The following KCNIP4 variants were observed in gnomAD, a reference collection of about 807,000 sequenced individuals.
KCNIP4 encodes the protein potassium voltage-gated channel interacting protein 4, also known as Kv channel-interacting protein 4.
KCNIP4 carries 12 observed loss-of-function variants against 34.0 expected under a neutral mutation model. The observed-to-expected ratio is 0.35, with a 90% confidence interval of 0.23 to 0.57. The LOEUF (loss-of-function observed/expected upper bound fraction) is 0.57, where lower values mean the gene tolerates loss of function less well. Ranked by LOEUF, KCNIP4 falls within the 20% of genes least tolerant of loss-of-function variation. The pLI is 0.83. For missense variants in KCNIP4, 238 were observed against 311.7 expected (o/e 0.76, Z 1.78); for synonymous variants, 124 against 102.2 (o/e 1.21, Z -1.29).
At chr4:21,224,051 T>C (rs1411682542) in intron 1 of KCNIP4, among the ~76,000 whole-genome samples, 1 of 152,124 alleles carries the variant, frequency 6.6e-6, no homozygotes, top group African/African-American at 2.4e-5. Flanking sequence ...TTGGCCTACA[T>C]CTGGATTCCC....
chr4:20,839,140 A>G (rs1447737585), intron 3 of KCNIP4, among the ~76,000 whole-genome samples: 1 of 152,078 alleles, frequency 6.6e-6, no homozygotes. Context: ...GTGTTTTCTA[A>G]CTTTTTTTAG....
At chr4:20,790,255 A>G (rs1357597695) in intron 3 of KCNIP4, among the ~76,000 whole-genome samples, 1 of 152,204 alleles carries the variant, frequency 6.6e-6, no homozygotes, top group Non-Finnish European at 1.5e-5. Flanking sequence ...GTATCCTTGC[A>G]CTTACCATGA....
intron 1 of KCNIP4, among the ~76,000 whole-genome samples, chr4:21,823,880 T>C (rs184860952): frequency 9.8e-5 from 15 of 152,306 alleles, no homozygotes; most frequent in Middle Eastern, 3.4e-3. Flanking sequence ...CCCTCTACAA[T>C]GCAGCTTTGC....
chr4:21,706,592 C>A (rs1156668778), intron 1 of KCNIP4, among the ~76,000 whole-genome samples: 2 of 152,142 alleles, frequency 1.3e-5, no homozygotes, highest in Non-Finnish European at 1.5e-5. Context: ...AGATGATCCT[C>A]ATTGCTTCTT....
intron 1 of KCNIP4, among the ~76,000 whole-genome samples, chr4:21,254,416 T>A (rs1392619221): frequency 6.6e-6 from 1 of 152,214 alleles, no homozygotes; most frequent in Non-Finnish European, 1.5e-5. Flanking sequence ...TTGTGATGAA[T>A]GCATATTCCC....
At chr4:21,625,207 T>A (rs1394341041) in intron 1 of KCNIP4, among the ~76,000 whole-genome samples, 1 of 152,086 alleles carries the variant, frequency 6.6e-6, no homozygotes, top group East Asian at 1.9e-4. Context: ...GCAGTACTAC[T>A]TAACTATTTT....
chr4:21,158,930 AC>A (rs1220768072), intron 1 of KCNIP4, among the ~76,000 whole-genome samples: 1 of 152,214 alleles, frequency 6.6e-6, no homozygotes, highest in Non-Finnish European at 1.5e-5. Context: ...ACTGCAGCAT[AC>A]AATATCAATA....
chr4:21,827,481 A>C (rs2109300508), intron 1 of KCNIP4, among the ~76,000 whole-genome samples: 1 of 152,170 alleles, frequency 6.6e-6, no homozygotes, highest in South Asian at 2.1e-4. Context: ...TTGAAACAAA[A>C]AGGAAGAATT....
At chr4:20,914,879 T>G (rs779704716) in intron 1 of KCNIP4, among the ~76,000 whole-genome samples, 1 of 152,194 alleles carries the variant, frequency 6.6e-6, no homozygotes, top group African/African-American at 2.4e-5. Flanking sequence ...TTTGCTCCAA[T>G]GACCACAGAA....
intron 1 of KCNIP4, among the ~76,000 whole-genome samples, chr4:21,601,386 C>A (rs1357355226): frequency 6.6e-6 from 1 of 151,918 alleles, no homozygotes; most frequent in African/African-American, 2.4e-5. Flanking sequence ...TAATATATAT[C>A]CAGCTATAAT....
In KCNIP4 at chr4:20,912,019, C is replaced by T. The variant is rs1012483818; in HGVS notation, c.62-29310G>A. On this transcript the variant is annotated intron_variant, in intron 1 of 8. Coordinates refer to ENST00000382152, the MANE Select transcript of KCNIP4 (RefSeq NM_025221.6). Reference sequence around the variant, plus strand: ...CAACTATGCTTAGTGATAAGGTCCTCTCTAATTTCGCCCCTTGTTTACTTT... The same window carrying T: ...CAACTATGCTTAGTGATAAGGTCCTTTCTAATTTCGCCCCTTGTTTACTTT... 2.6e-5 allele frequency among the ~76,000 whole-genome samples: 4 copies of T among 152,294 alleles called. No individual in the cohort carries two copies. The East Asian group carries it at 7.7e-4, about 29-fold the overall frequency.
chr4:21,437,090 A>G (rs574054542), intron 1 of KCNIP4, among the ~76,000 whole-genome samples: 1 of 152,168 alleles, frequency 6.6e-6, no homozygotes, highest in Non-Finnish European at 1.5e-5. Context: ...TCCCCTGGAC[A>G]TATTAGAATG....
intron 1 of KCNIP4, among the ~76,000 whole-genome samples, chr4:21,589,946 T>C (rs1035175909): frequency 6.6e-6 from 1 of 151,960 alleles, no homozygotes; most frequent in African/African-American, 2.4e-5. Flanking sequence ...ATATTCATGG[T>C]TTGGTTTAGT....
chr4:21,810,058 C>G lies in KCNIP4; in HGVS notation c.61+138513G>C, dbSNP rs115689059. Among the ~76,000 whole-genome samples, 198 of 152,188 alleles carry G rather than the reference C, an allele frequency of 1.3e-3. 2 individuals are homozygous for G. The highest frequency in any genetic ancestry group is 6.8e-3 in the Middle Eastern group (2 of 294). On this transcript the variant is annotated intron_variant, in intron 1 of 8. Transcript: ENST00000382152. ...CCAGAGTCTGCATTCAGACAGCTCACTGGGAAAAGCCAAGGTTAGATCACC... is the reference window on the plus strand; with the variant it reads ...CCAGAGTCTGCATTCAGACAGCTCAGTGGGAAAAGCCAAGGTTAGATCACC...
intron 1 of KCNIP4, among the ~76,000 whole-genome samples, chr4:21,594,686 T>C (rs559098095): frequency 1.3e-5 from 2 of 151,882 alleles, no homozygotes; most frequent in Admixed American, 1.3e-4. Context: ...AAAATGCTGC[T>C]CAGAGATAAA....
chr4:21,240,026 A>G (rs1759681654), intron 1 of KCNIP4, among the ~76,000 whole-genome samples: 1 of 152,014 alleles, frequency 6.6e-6, no homozygotes, highest in South Asian at 2.1e-4. Flanking sequence ...CATATACACC[A>G]TGGAATACTA....
chr4:20,903,324 G>A (rs966280008), intron 1 of KCNIP4, among the ~76,000 whole-genome samples: 8 of 152,046 alleles, frequency 5.3e-5, no homozygotes, highest in South Asian at 2.1e-4. Flanking sequence ...ATTTTGACAC[G>A]TTCAAATATG....
chr4:20,945,284 A>C (rs1434954), intron 1 of KCNIP4, among the ~76,000 whole-genome samples: 20,328 of 152,120 alleles, frequency 0.13, 1,927 homozygotes, highest in African/African-American at 0.28. Context: ...TCATTCAACC[A>C]TCTTATTTTC....
chr4:21,480,916 C>T (rs1185357744), intron 1 of KCNIP4, among the ~76,000 whole-genome samples: 1 of 152,098 alleles, frequency 6.6e-6, no homozygotes, highest in African/African-American at 2.4e-5. Context: ...TCTTTTATTG[C>T]ACACAGCATG....
Sources: allele counts gnomAD v4.1 joint callset (sites outside exome capture counted in the v4.1 genomes callset), GRCh38; gene constraint gnomAD v4.1.1; transcripts MANE v1.5; gene names NCBI Gene and HGNC (gene_info 2026-07-23, HGNC 2026-07-21).